STK3: variants seen among roughly 807,000 people sequenced by gnomAD.
The protein encoded by STK3 is serine/threonine-protein kinase 3.
In STK3, 41 loss-of-function variants were observed where a neutral mutation model predicts 58.0. The observed-to-expected ratio is 0.71, with a 90% CI of 0.55 to 0.92. The LOEUF (loss-of-function observed/expected upper bound fraction) is 0.92. Ranked by LOEUF, STK3 falls within the 40% of genes least tolerant of loss-of-function variation. The pLI is 0.00. For synonymous variants in STK3, 170 were observed against 191.0 expected, an observed-to-expected ratio of 0.89 and a Z score of 0.91; for missense variants, 479 against 602.7, an observed-to-expected ratio of 0.79 and a Z score of 2.15.
chr8:98,741,220 G>C (rs35804297), intron 4 of STK3, among the ~76,000 whole-genome samples: 39,258 of 152,016 alleles, frequency 0.26, 6,070 homozygotes, highest in East Asian at 0.42. Context: ...TCCAGGAATT[G>C]AACTCAGCTG....
At chr8:98,551,048 T>C (rs575221627) in intron 8 of STK3, among the ~76,000 whole-genome samples, 1 of 152,258 alleles carries the variant, frequency 6.6e-6, no homozygotes, top group South Asian at 2.1e-4. Context: ...GGCTGGACTT[T>C]AACTGAATCT....
At chr8:98,586,527 A>C (rs1469082015) in intron 7 of STK3, among the ~76,000 whole-genome samples, 1 of 149,572 alleles carries the variant, frequency 6.7e-6, no homozygotes, top group African/African-American at 2.5e-5. Context: ...TTTTGCATCA[A>C]TGTTCATCAA....
rs554497712 is a variant in STK3 at position 98,464,800 on chromosome 8, C to T, written c.1318-8800G>A. ...TATAGAAGAAAAGCTGAATTCCTCA[C>T]TGTAAAAATGTGATCTTAAAAGCTG... On this transcript the variant is annotated intron_variant, in intron 10 of 10. Transcript: ENST00000419617. Among the ~76,000 whole-genome samples the T allele has an allele frequency of 3.3e-5, 5 of 152,242 alleles. No homozygotes were observed. The South Asian group carries it at 1.0e-3, about 32-fold the overall frequency.
intron 3 of STK3, among the ~76,000 whole-genome samples, chr8:98,425,803 T>C (rs1308869200): frequency 6.6e-6 from 1 of 152,208 alleles, no homozygotes; most frequent in East Asian, 1.9e-4. Flanking sequence ...AGAAAGAATG[T>C]ACTTCCCACT....
At chr8:98,769,000 C>G (rs1229362947) in intron 2 of STK3, among the ~76,000 whole-genome samples, 1 of 152,204 alleles carries the variant, frequency 6.6e-6, no homozygotes, top group Non-Finnish European at 1.5e-5. Flanking sequence ...AGGCTGAGAT[C>G]TTCAATGCTG....
chr8:98,723,081 G>T, intron 4 of STK3: 1 of 257,934 alleles, frequency 3.9e-6, no homozygotes, highest in East Asian at 1.1e-4. Context: ...ATACATTACA[G>T]ATTTCATTTC....
chr8:98,632,521 C>T (rs2130522013), intron 6 of STK3, among the ~76,000 whole-genome samples: 1 of 152,292 alleles, frequency 6.6e-6, no homozygotes, highest in East Asian at 1.9e-4. Context: ...TCTAGGTTCA[C>T]ATTAAAGTTA....
chr8:98,413,233 T>G (rs1211124482), intron 3 of STK3: 1 of 324,098 alleles, frequency 3.1e-6, no homozygotes, highest in African/African-American at 2.2e-5. Context: ...CAGGCTGGTC[T>G]CGGACTCCTG....
intron 1 of STK3, among the ~76,000 whole-genome samples, chr8:98,885,049 C>T (rs1223592431): frequency 6.6e-6 from 1 of 152,178 alleles, no homozygotes; most frequent in Non-Finnish European, 1.5e-5. Flanking sequence ...AATGAACTAC[C>T]CTGTTAACAA....
At chr8:98,479,620 G>A (rs1331725501) in intron 10 of STK3, among the ~76,000 whole-genome samples, 1 of 151,366 alleles carries the variant, frequency 6.6e-6, no homozygotes, top group African/African-American at 2.4e-5. Context: ...ACCAACTACT[G>A]AAGTCTCTAA....
intron 1 of STK3, among the ~76,000 whole-genome samples, chr8:98,380,206 T>C (rs1817717946): frequency 6.6e-6 from 1 of 152,160 alleles, no homozygotes; most frequent in Non-Finnish European, 1.5e-5. Flanking sequence ...TTAAGCAAGG[T>C]GAATACGCTC....
chr8:98,508,982 C>T (rs561799526), intron 10 of STK3, among the ~76,000 whole-genome samples: 8 of 152,072 alleles, frequency 5.3e-5, no homozygotes, highest in African/African-American at 1.7e-4. Context: ...GGAAACTCAT[C>T]TAAAAAAATA....
chr8:98,594,811 AT>A (rs973435430), intron 7 of STK3: 1 of 152,178 alleles, frequency 6.6e-6, no homozygotes, highest in Non-Finnish European at 1.5e-5. Flanking sequence ...AACAGTTTTC[AT>A]CAAAAAGCAA....
intron 1 of STK3, among the ~76,000 whole-genome samples, chr8:98,822,623 T>G (rs1333241744): frequency 1.3e-5 from 2 of 152,224 alleles, no homozygotes; most frequent in African/African-American, 4.8e-5. Flanking sequence ...TAGGCTTTGA[T>G]GGAAGAATAA....
At chr8:98,905,697 G>A (rs979498329) in intron 1 of STK3, 19 of 665,988 alleles carry the variant, frequency 2.9e-5, no homozygotes, top group Admixed American at 2.3e-4. Context: ...GGGTGGCAGC[G>A]GCGGAGGTAG....
At chr8:98,470,482 C>T (rs552978238) in intron 10 of STK3, among the ~76,000 whole-genome samples, 18 of 152,338 alleles carry the variant, frequency 1.2e-4, no homozygotes, top group Admixed American at 2.0e-4. Flanking sequence ...CACCCGTACT[C>T]AGTACAAGGC....
chr8:98,402,161 G>T (rs184168177), intron 3 of STK3, among the ~76,000 whole-genome samples: 1 of 152,072 alleles, frequency 6.6e-6, no homozygotes, highest in Non-Finnish European at 1.5e-5. Flanking sequence ...TTATATAAAG[G>T]TAGCATCCTC....
At chr8:98,427,958 G>A (rs1818264441) in intron 3 of STK3, 3 of 1,480,522 alleles carry the variant, frequency 2.0e-6, no homozygotes, top group Non-Finnish European at 2.7e-6. Flanking sequence ...CCCGCGCGGC[G>A]CGGGCGGCCG....
chr8:98,755,138 T>C (rs1830212504), intron 3 of STK3, among the ~76,000 whole-genome samples: 1 of 152,190 alleles, frequency 6.6e-6, no homozygotes, highest in African/African-American at 2.4e-5. Flanking sequence ...CCAACACCTC[T>C]ATAACATAAA....
Sources: allele counts gnomAD v4.1 joint callset (sites outside exome capture counted in the v4.1 genomes callset), GRCh38; gene constraint gnomAD v4.1.1; transcripts MANE v1.5; gene names NCBI Gene and HGNC (gene_info 2026-07-23, HGNC 2026-07-21).